The following MAML2 variants were observed in gnomAD, a reference collection of about 807,000 sequenced individuals.
MAML2 encodes mastermind-like protein 2.
Under a neutral mutation model 96.1 loss-of-function variants are expected in MAML2, and 22 were observed. That is an observed-to-expected ratio of 0.23 (90% CI 0.16 to 0.33). The LOEUF (loss-of-function observed/expected upper bound fraction) is 0.33, where lower values mean the gene tolerates loss of function less well. Among genes scored for constraint, MAML2 ranks in the 10% least tolerant of loss-of-function variants. The pLI is 1.00. For missense variants in MAML2, 1,367 were observed against 1,392.4 expected, an observed-to-expected ratio of 0.98 and a Z score of 0.29; for synonymous variants, 561 against 521.3, an observed-to-expected ratio of 1.08 and a Z score of -1.04.
intron 1 of MAML2, among the ~76,000 whole-genome samples, chr11:96,287,830 A>G (rs948836038): frequency 1.3e-5 from 2 of 152,194 alleles, no homozygotes; most frequent in African/African-American, 4.8e-5. Context: ...TAAAAGATTA[A>G]ATGGCTAAAA....
At chr11:96,294,620 T>C (rs948762576) in intron 1 of MAML2, among the ~76,000 whole-genome samples, 3 of 152,206 alleles carry the variant, frequency 2.0e-5, no homozygotes. Flanking sequence ...ATATTTCACA[T>C]GTAACGAATT....
At chr11:96,297,139 A>C (rs920751765) in intron 1 of MAML2, among the ~76,000 whole-genome samples, 2 of 152,160 alleles carry the variant, frequency 1.3e-5, no homozygotes, top group African/African-American at 4.8e-5. Context: ...CTGGGACCCC[A>C]GCTGATGATG....
intron 3 of MAML2, among the ~76,000 whole-genome samples, chr11:95,990,526 A>C (rs567144328): frequency 6.6e-6 from 1 of 152,192 alleles, no homozygotes; most frequent in Non-Finnish European, 1.5e-5. Context: ...CATTTCTAGT[A>C]GTTACCAGAG....
intron 2 of MAML2, among the ~76,000 whole-genome samples, chr11:96,074,698 C>T (rs775377580): frequency 1.3e-5 from 2 of 152,192 alleles, no homozygotes; most frequent in Non-Finnish European, 2.9e-5. Flanking sequence ...TACTGACAAA[C>T]GTCATCATAC....
intron 1 of MAML2, among the ~76,000 whole-genome samples, chr11:96,304,649 C>T (rs895903521): frequency 1.1e-4 from 16 of 152,086 alleles, no homozygotes; most frequent in Non-Finnish European, 2.4e-4. Context: ...TCCTATTAGT[C>T]CTAATTTCCT....
At chr11:96,102,598 G>A (rs1163412083) in intron 1 of MAML2, among the ~76,000 whole-genome samples, 1 of 152,162 alleles carries the variant, frequency 6.6e-6, no homozygotes, top group Non-Finnish European at 1.5e-5. Flanking sequence ...GCAACAAGGG[G>A]ATGTTTATAT....
chr11:95,999,749 A>T (rs558282856), intron 2 of MAML2, among the ~76,000 whole-genome samples: 2 of 152,100 alleles, frequency 1.3e-5, no homozygotes, highest in Non-Finnish European at 2.9e-5. Flanking sequence ...GCGTGGGATG[A>T]CTGCCCTTTC....
At chr11:96,303,105 C>T (rs1362834113) in intron 1 of MAML2, among the ~76,000 whole-genome samples, 1 of 152,138 alleles carries the variant, frequency 6.6e-6, no homozygotes, top group African/African-American at 2.4e-5. Context: ...AATACATTCA[C>T]GGGCTCATTT....
At chr11:96,221,600 C>A (rs1862138852) in intron 1 of MAML2, among the ~76,000 whole-genome samples, 1 of 151,774 alleles carries the variant, frequency 6.6e-6, no homozygotes, top group South Asian at 2.1e-4. Flanking sequence ...AGTTTCATAG[C>A]AGTTGCCTTC....
chr11:96,100,310 TTTC>T (rs1165828946), intron 1 of MAML2, among the ~76,000 whole-genome samples: 2 of 151,950 alleles, frequency 1.3e-5, no homozygotes, highest in Non-Finnish European at 2.9e-5. Context: ...GTTGTTTTTC[TTTC>T]TTTTTTTTTT....
At position 95,991,689 on chromosome 11, in the gene MAML2, G is replaced by A. The variant is rs1030341551; in HGVS notation, c.2174C>T (p.Pro725Leu). 1 of 1,613,558 alleles carries A rather than the reference G, an allele frequency of 6.2e-7. No individual in the cohort carries two copies. The highest frequency in any genetic ancestry group is 8.5e-7 in the Non-Finnish European group (1 of 1,179,716). The change falls in exon 3 of 5, where the codon CCC (proline) becomes CTC (leucine). Residue 725 changes from proline to leucine, a missense_variant. Physicochemically the swap from Pro to Leu is moderately conservative, Grantham distance 98. Transcript: ENST00000524717. The stretch of plus-strand genomic sequence containing the variant: ...TGAGCAGGGGTTAGGACTTGGACTG[G>A]GGCCTGTGTTCTGGCCTACCACAGA... ...QHSVVGQNTG[P>L]SPSPNPCSNP...
rs528832910 is a variant in MAML2, at chr11:95,989,028, G to C, written c.2343+2492C>G. On this transcript the variant is annotated intron_variant, in intron 3 of 4. Transcript: ENST00000524717. ...ATTTAATTCTGTGAAAATCCAGCTTGGTGCCTGGCATACAGTAGGTACACA... is the reference window on the plus strand; with the variant it reads ...ATTTAATTCTGTGAAAATCCAGCTTCGTGCCTGGCATACAGTAGGTACACA... Among the ~76,000 whole-genome samples, 10 of 152,276 alleles carry C rather than the reference G, an allele frequency of 6.6e-5. No homozygotes were observed. The South Asian group carries it at 2.1e-3, about 32-fold the overall frequency.
intron 1 of MAML2, among the ~76,000 whole-genome samples, chr11:96,201,433 C>A (rs1029688543): frequency 6.6e-6 from 1 of 152,284 alleles, no homozygotes; most frequent in Non-Finnish European, 1.5e-5. Context: ...GAAACAATTA[C>A]GCTTAGTTTG....
intron 2 of MAML2, among the ~76,000 whole-genome samples, chr11:96,078,075 C>T (rs542976209): frequency 6.6e-6 from 1 of 152,182 alleles, no homozygotes; most frequent in South Asian, 2.1e-4. Flanking sequence ...ATAGTCTCTC[C>T]ATTTCGAACC....
intron 1 of MAML2, among the ~76,000 whole-genome samples, chr11:96,308,343 C>T (rs1049847428): frequency 6.6e-5 from 10 of 152,126 alleles, no homozygotes; most frequent in African/African-American, 2.4e-4. Flanking sequence ...ACTGAAGCAT[C>T]TCTAACATAC....
chr11:96,339,791 G>A (rs965765669), intron 1 of MAML2, among the ~76,000 whole-genome samples: 8 of 152,146 alleles, frequency 5.3e-5, no homozygotes, highest in African/African-American at 1.9e-4. Flanking sequence ...CCATTTGAGC[G>A]ATTCTTTACC....
At chr11:96,258,602 T>C (rs889522899) in intron 1 of MAML2, among the ~76,000 whole-genome samples, 1 of 152,210 alleles carries the variant, frequency 6.6e-6, no homozygotes, top group African/African-American at 2.4e-5. Flanking sequence ...TCACCATTGA[T>C]GGGAATCATA....
intron 1 of MAML2, among the ~76,000 whole-genome samples, chr11:96,306,442 T>C (rs1379474767): frequency 2.0e-5 from 3 of 152,216 alleles, no homozygotes; most frequent in Non-Finnish European, 4.4e-5. Flanking sequence ...TAGCTCCCTT[T>C]GTGACTTGAA....
At position 96,342,626 on chromosome 11, in the gene MAML2, G is replaced by T. The variant is rs774221789; in HGVS notation, c.-731C>A. On this transcript the variant is annotated 5_prime_UTR_variant, in exon 1 of 5. Transcript: ENST00000524717. ...TAGGATGTTGTCTTCTCCCAAAAGA[G>T]GGAGACAGCTTTTCAACTGTTAACA... 1 of 389,942 alleles carries T rather than the reference G, an allele frequency of 2.6e-6. No individual in the cohort carries two copies. The highest frequency in any genetic ancestry group is 4.5e-6 in the Non-Finnish European group (1 of 221,190). 24.2% of individuals were successfully genotyped at this position (389,942 alleles called of 1,614,324 possible). A position where few individuals can be genotyped will look rare whatever the true frequency, so the allele number is the denominator to read the frequency against.
Sources: allele counts gnomAD v4.1 joint callset (sites outside exome capture counted in the v4.1 genomes callset), GRCh38; gene constraint gnomAD v4.1.1; transcripts MANE v1.5; gene names NCBI Gene and HGNC (gene_info 2026-07-23, HGNC 2026-07-21).